The following ABLIM3 variants were observed in gnomAD, a reference collection of about 807,000 sequenced individuals.
ABLIM3 encodes the protein actin binding LIM protein family member 3.
Under a neutral mutation model 109.5 loss-of-function variants are expected in ABLIM3, and 61 were observed. That is an observed-to-expected ratio of 0.56 (90% CI 0.45 to 0.69). ABLIM3 has a LOEUF of 0.69. Ranked by LOEUF, ABLIM3 falls within the 30% of genes least tolerant of loss-of-function variation. ABLIM3 has a pLI of 0.00. For missense variants in ABLIM3, 796 were observed against 889.5 expected (o/e 0.89, Z 1.34); for synonymous variants, 300 against 324.8 (o/e 0.92, Z 0.82).
In ABLIM3 at chr5:149,175,598, A is replaced by T. The variant is rs1248327935; in HGVS notation, c.14-7854A>T. Among the ~76,000 whole-genome samples, 4 of 152,124 alleles carry T rather than the reference A, an allele frequency of 2.6e-5. No homozygotes were observed. In the East Asian group the frequency reaches 7.7e-4, roughly 29 times the overall value. On this transcript the variant is annotated intron_variant, in intron 2 of 23. Coordinates refer to ENST00000309868, the MANE Select transcript of ABLIM3 (RefSeq NM_014945.5). ...ACACAGGCACAGTCAACAGCAGAGG[A>T]GGAAAGAAGAGAGGAAGGAGGGGCG...
intron 13 of ABLIM3, 107 bp from the exon 14 acceptor site, chr5:149,240,569 C>T (rs1236680656): frequency 2.3e-6 from 2 of 859,442 alleles, no homozygotes; most frequent in African/African-American, 3.3e-5. Context: ...CAGCCCATCC[C>T]CCATCTCTGC....
chr5:149,249,961 T>G, intron 19 of ABLIM3, 117 bp downstream of exon 19: 1 of 1,246,552 alleles, frequency 8.0e-7, no homozygotes. Context: ...AGCCCACTCC[T>G]GATCTCAAAT....
intron 2 of ABLIM3, among the ~76,000 whole-genome samples, chr5:149,145,450 C>T (rs1228978386): frequency 6.6e-6 from 1 of 152,110 alleles, no homozygotes; most frequent in Non-Finnish European, 1.5e-5. Flanking sequence ...CTGCAATGAA[C>T]ATATCAGTGT....
chr5:149,252,401 C>T (rs1754020566), intron 22 of ABLIM3, 193 bp downstream of exon 22: 3 of 591,392 alleles, frequency 5.1e-6, no homozygotes, highest in Non-Finnish European at 8.7e-6. Context: ...AGGTCTCTTG[C>T]CTACTGAAAT....
intron 3 of ABLIM3, among the ~76,000 whole-genome samples, chr5:149,184,432 G>A (rs76286377): frequency 3.9e-5 from 6 of 152,202 alleles, no homozygotes; most frequent in South Asian, 4.2e-4. Flanking sequence ...CTTTGTATTC[G>A]CTTTTCCCTT....
At chr5:149,200,514 G>T in intron 5 of ABLIM3, 86 bp downstream of exon 5, 5 of 1,393,450 alleles carry the variant, frequency 3.6e-6, no homozygotes, top group Non-Finnish European at 4.0e-6. Flanking sequence ...TGCTCCCACG[G>T]GCCTGGAGGG....
chr5:149,225,982 GTATATATATATATATATATATATATATA>G (rs58844908), intron 8 of ABLIM3, among the ~76,000 whole-genome samples: 38 of 45,522 alleles, frequency 8.3e-4, no homozygotes, highest in East Asian at 1.8e-3. Flanking sequence ...GTGTGTGTGT[GTATATATATATATATATATATATATATA>G]TATATATATA....
intron 2 of ABLIM3, among the ~76,000 whole-genome samples, chr5:149,158,764 C>T (rs984678338): frequency 6.6e-6 from 1 of 152,166 alleles, no homozygotes; most frequent in African/African-American, 2.4e-5. Flanking sequence ...GAGGCAATGA[C>T]TTCCCAGAAC....
chr5:149,244,859 G>A (rs1382771918), intron 15 of ABLIM3, 22 bp from the exon 16 acceptor site: 3 of 1,614,166 alleles, frequency 1.9e-6, no homozygotes, highest in South Asian at 1.1e-5. Flanking sequence ...TTCCTGAAGT[G>A]CTCTCCTTGG....
At chr5:149,250,278 G>A (rs946394788) in intron 19 of ABLIM3, among the ~76,000 whole-genome samples, 169 bp from the exon 20 acceptor site, 4 of 152,198 alleles carry the variant, frequency 2.6e-5, no homozygotes, top group Non-Finnish European at 1.5e-5. Context: ...TGCCCCCAGA[G>A]ATGGTCAAGT....
In ABLIM3 at chr5:149,258,855, T is replaced by C; in HGVS notation, c.*451T>C. ...ATCTGCAGCAGTCTCCCCAAATCAG[T>C]GAGCACCTTTGAGCGCCCACGAAGA... On this transcript the variant is annotated 3_prime_UTR_variant, in exon 24 of 24. Coordinates refer to ENST00000309868, the MANE Select transcript of ABLIM3 (RefSeq NM_014945.5). 8.1e-6 allele frequency: 8 copies of C among 989,918 alleles called. No homozygotes were observed. The highest frequency in any genetic ancestry group is 8.4e-6 in the Non-Finnish European group (7 of 833,026). The allele number at this position is 989,918 out of a possible 1,614,324, so 61.3% of individuals were successfully genotyped here.
chr5:149,224,798 C>T (rs1467383414), intron 8 of ABLIM3, among the ~76,000 whole-genome samples: 1 of 152,186 alleles, frequency 6.6e-6, no homozygotes, highest in Non-Finnish European at 1.5e-5. Context: ...CAAACCAAAC[C>T]TATGAGGCAG....
rs563476545 is a variant in ABLIM3 at position 149,142,177 on chromosome 5, C to T, written c.13+69C>T. 8.0e-5 allele frequency: 127 copies of T among 1,587,664 alleles called. No homozygotes were observed. In the East Asian group the frequency reaches 1.9e-3, roughly 24 times the overall value. On this transcript the variant is annotated intron_variant, in intron 2 of 23. Transcript: ENST00000309868. ...GGCGGGAGGTGAGGGAGCCTGCGCT[C>T]GGGCTGCCTGGAAAGAGGAAGGAAG... is the stretch of plus-strand genomic sequence containing the variant.
chr5:149,216,226 G>A lies in ABLIM3; in HGVS notation c.670-733G>A, dbSNP rs184152064. On this transcript the variant is annotated intron_variant, in intron 7 of 23. Coordinates refer to ENST00000309868, the MANE Select transcript of ABLIM3 (RefSeq NM_014945.5). ...AATTTTTGCCATGTCTGTGAACCTC[G>A]TGAGCTGATTCTTCCATAATACTTT... Among the ~76,000 whole-genome samples the A allele has an allele frequency of 1.0e-3, 157 of 152,284 alleles. 1 individual carries two copies. The highest frequency in any genetic ancestry group is 2.5e-3 in the African/African-American group (103 of 41,570).
chr5:149,161,534 CT>C (rs1754365205), intron 2 of ABLIM3, among the ~76,000 whole-genome samples: 1 of 152,214 alleles, frequency 6.6e-6, no homozygotes, highest in Non-Finnish European at 1.5e-5. Context: ...GTTTGGGCCT[CT>C]GGCCCACACG....
chr5:149,162,103 C>G (rs187376799), intron 2 of ABLIM3, among the ~76,000 whole-genome samples: 8 of 152,200 alleles, frequency 5.3e-5, no homozygotes, highest in African/African-American at 1.9e-4. Flanking sequence ...AATGAGAAAG[C>G]CTTTGCGTTA....
intron 1 of ABLIM3, 83 bp downstream of exon 1, chr5:149,141,737 C>G (rs548610473): frequency 2.2e-4 from 65 of 292,156 alleles, no homozygotes; most frequent in African/African-American, 1.1e-3. Flanking sequence ...GTCCACACCC[C>G]CTTTGGGCTC....
intron 2 of ABLIM3, among the ~76,000 whole-genome samples, chr5:149,173,947 G>A (rs888755359): frequency 4.6e-5 from 7 of 151,064 alleles, no homozygotes; most frequent in South Asian, 4.2e-4. Flanking sequence ...GCGTGAACCC[G>A]GGAGGCGGAG....
rs137930570 is a variant in ABLIM3 at position 149,238,504 on chromosome 5, C to T, written c.1045-744C>T. Among the ~76,000 whole-genome samples, 8 of 152,268 alleles carry T rather than the reference C, an allele frequency of 5.3e-5. No individual in the cohort carries two copies. In the East Asian group the frequency reaches 1.4e-3, roughly 26 times the overall value. On this transcript the variant is annotated intron_variant, in intron 11 of 23. Coordinates refer to ENST00000309868, the MANE Select transcript of ABLIM3 (RefSeq NM_014945.5). ...GGAGGATCAAGTGTTTAGTAGAAGC[C>T]GCTTGTCCTTCAGTTAGAGATGGCA...
Sources: allele counts gnomAD v4.1 joint callset (sites outside exome capture counted in the v4.1 genomes callset), GRCh38; gene constraint gnomAD v4.1.1; transcripts MANE v1.5; gene names NCBI Gene and HGNC (gene_info 2026-07-23, HGNC 2026-07-21).